SMYD3: variants seen among roughly 807,000 people sequenced by gnomAD.
SMYD3 encodes histone-lysine N-methyltransferase SMYD3.
SMYD3 carries 36 observed loss-of-function variants against 57.7 expected under a neutral mutation model. The ratio of observed to expected loss-of-function variants is 0.62; its 90% CI spans 0.48 to 0.82. The LOEUF is 0.82. SMYD3 is among the 40% of genes least tolerant of loss of function. The pLI is 0.00. For synonymous variants in SMYD3, 211 were observed against 195.0 expected, an observed-to-expected ratio of 1.08 and a Z score of -0.68; for missense variants, 515 against 538.8, an observed-to-expected ratio of 0.96 and a Z score of 0.44.
chr1:246,492,210 G>A (rs1202634441), intron 1 of SMYD3, among the ~76,000 whole-genome samples: 1 of 152,056 alleles, frequency 6.6e-6, no homozygotes, highest in Non-Finnish European at 1.5e-5. Flanking sequence ...TTTTCAGACT[G>A]AATAAAAGAT....
At chr1:246,313,907 C>T (rs1364019109) in intron 5 of SMYD3, among the ~76,000 whole-genome samples, 1 of 152,140 alleles carries the variant, frequency 6.6e-6, no homozygotes, top group Admixed American at 6.5e-5. Context: ...GATAAAGACT[C>T]AATCTGGAGG....
At chr1:246,143,264 G>C (rs1458417184) in intron 5 of SMYD3, among the ~76,000 whole-genome samples, 1 of 152,078 alleles carries the variant, frequency 6.6e-6, no homozygotes, top group Admixed American at 6.5e-5. Flanking sequence ...CAAGAAATAC[G>C]TCTTCCCAAA....
chr1:245,860,600 G>A (rs561645661), intron 9 of SMYD3, among the ~76,000 whole-genome samples: 3 of 152,318 alleles, frequency 2.0e-5, no homozygotes, highest in African/African-American at 7.2e-5. Context: ...ATGTTAGGAT[G>A]AGTCCCGTCT....
chr1:245,929,755 A>C, intron 6 of SMYD3, 115 bp downstream of exon 6: 1 of 810,448 alleles, frequency 1.2e-6, no homozygotes, highest in Non-Finnish European at 2.1e-6. Context: ...CTAAGTTTTA[A>C]GCTTGGCTCT....
intron 5 of SMYD3, among the ~76,000 whole-genome samples, chr1:246,062,537 A>C (rs1401607646): frequency 2.6e-5 from 4 of 152,236 alleles, no homozygotes; most frequent in African/African-American, 9.6e-5. Flanking sequence ...TTTCCCAATT[A>C]CAAATGCTAG....
intron 1 of SMYD3, among the ~76,000 whole-genome samples, chr1:246,452,572 C>T (rs1489509147): frequency 6.6e-6 from 1 of 152,106 alleles, no homozygotes; most frequent in Non-Finnish European, 1.5e-5. Context: ...GCAATGAGAA[C>T]TCATAAATGC....
chr1:245,954,748 C>T (rs6695279), intron 5 of SMYD3, among the ~76,000 whole-genome samples: 92,130 of 152,048 alleles, frequency 0.61, 28,097 homozygotes, highest in Middle Eastern at 0.71. Context: ...TATCTCTGTG[C>T]CACTCTCACA....
intron 1 of SMYD3, among the ~76,000 whole-genome samples, chr1:246,395,326 T>C (rs756675307): frequency 2.6e-5 from 4 of 152,228 alleles, no homozygotes; most frequent in Admixed American, 6.5e-5. Context: ...ATCCTTCAAA[T>C]GTTTCAATGA....
At chr1:246,373,279 A>T (rs1243342933) in intron 1 of SMYD3, among the ~76,000 whole-genome samples, 3 of 152,178 alleles carry the variant, frequency 2.0e-5, no homozygotes, top group Non-Finnish European at 4.4e-5. Flanking sequence ...AATATGTATT[A>T]TTTAACAGCC....
At chr1:246,293,415 A>G (rs1358286780) in intron 5 of SMYD3, among the ~76,000 whole-genome samples, 17 of 152,170 alleles carry the variant, frequency 1.1e-4, no homozygotes. Flanking sequence ...CTTTAATTAA[A>G]CTGTAACTTA....
At chr1:246,238,341 G>A (rs1201356179) in intron 5 of SMYD3, among the ~76,000 whole-genome samples, 2 of 152,094 alleles carry the variant, frequency 1.3e-5, no homozygotes, top group African/African-American at 4.8e-5. Context: ...AGGTTTCAAC[G>A]ATGCATTCCT....
intron 1 of SMYD3, among the ~76,000 whole-genome samples, chr1:246,442,701 T>C (rs78349380): frequency 0.047 from 7,161 of 152,222 alleles, 592 homozygotes; most frequent in African/African-American, 0.16. Flanking sequence ...TAAAAATATA[T>C]ATATATTTTG....
In SMYD3 at chr1:246,447,721, T is replaced by C. The variant is rs189363399; in HGVS notation, c.164+59333A>G. Among the ~76,000 whole-genome samples the C allele has an allele frequency of 5.9e-5, 9 of 152,366 alleles. No individual in the cohort carries two copies. The East Asian group carries it at 1.4e-3, about 23-fold the overall frequency. On this transcript the variant is annotated intron_variant, in intron 1 of 11. Coordinates refer to ENST00000490107, the MANE Select transcript of SMYD3 (RefSeq NM_001167740.2). ...TCTATGCTTAGTCAGTTCTTCATTCTACACCTTCTCCCAGTTAGAAGCAGC... is the reference window on the plus strand; with the variant it reads ...TCTATGCTTAGTCAGTTCTTCATTCCACACCTTCTCCCAGTTAGAAGCAGC...
At chr1:245,945,009 T>C (rs888144124) in intron 5 of SMYD3, among the ~76,000 whole-genome samples, 5 of 151,980 alleles carry the variant, frequency 3.3e-5, no homozygotes, top group African/African-American at 1.2e-4. Context: ...AAGACATAAA[T>C]ATAAAACATA....
chr1:246,115,741 C>T (rs1327993959), intron 5 of SMYD3, among the ~76,000 whole-genome samples: 4 of 152,160 alleles, frequency 2.6e-5, no homozygotes, highest in African/African-American at 9.7e-5. Context: ...TACTTTTATA[C>T]AACTAGTGCT....
At chr1:245,949,564 C>T (rs900536446) in intron 5 of SMYD3, among the ~76,000 whole-genome samples, 92 of 152,242 alleles carry the variant, frequency 6.0e-4, no homozygotes, top group African/African-American at 2.0e-3. Flanking sequence ...AATCCCAGCA[C>T]TTTGGGAGGC....
chr1:246,064,098 C>T (rs929350767), intron 5 of SMYD3, among the ~76,000 whole-genome samples: 1 of 152,164 alleles, frequency 6.6e-6, no homozygotes, highest in African/African-American at 2.4e-5. Flanking sequence ...GAGTAACTTC[C>T]CTGTACTCCC....
chr1:246,178,412 A>G (rs1385529960), intron 5 of SMYD3, among the ~76,000 whole-genome samples: 1 of 152,244 alleles, frequency 6.6e-6, no homozygotes, highest in East Asian at 1.9e-4. Flanking sequence ...ACCGGGAGTC[A>G]TTTACATACA....
intron 1 of SMYD3, among the ~76,000 whole-genome samples, chr1:246,377,952 G>C (rs1423496956): frequency 6.6e-6 from 1 of 152,130 alleles, no homozygotes; most frequent in Non-Finnish European, 1.5e-5. Context: ...TTCACATTCT[G>C]CCGGTCTGAT....
Sources: allele counts gnomAD v4.1 joint callset (sites outside exome capture counted in the v4.1 genomes callset), GRCh38; gene constraint gnomAD v4.1.1; transcripts MANE v1.5; gene names NCBI Gene and HGNC (gene_info 2026-07-23, HGNC 2026-07-21).